CPNE5: variants seen among roughly 807,000 people sequenced by gnomAD.
CPNE5 encodes the protein copine 5.
A neutral mutation model predicts 81.1 loss-of-function variants in CPNE5; 42 were observed. That is an observed-to-expected ratio of 0.52 (90% CI 0.40 to 0.67). The LOEUF (loss-of-function observed/expected upper bound fraction) is 0.67, where lower values mean the gene tolerates loss of function less well. Ranked by LOEUF, CPNE5 falls within the 30% of genes least tolerant of loss-of-function variation. The pLI is 0.00. For synonymous variants in CPNE5, 313 were observed against 321.5 expected (o/e 0.97, Z 0.28); for missense variants, 612 against 815.5 (o/e 0.75, Z 3.04).
chr6:36,759,406 T>C (rs1166536971), intron 12 of CPNE5, among the ~76,000 whole-genome samples: 8 of 150,688 alleles, frequency 5.3e-5, no homozygotes, highest in African/African-American at 2.0e-4. Flanking sequence ...TTCTTGGTGG[T>C]CAGGCGGGGA....
chr6:36,743,206 C>T, intron 20 of CPNE5: 2 of 985,400 alleles, frequency 2.0e-6, no homozygotes, highest in Non-Finnish European at 1.2e-6. Context: ...GCGGAGGGTG[C>T]ATTCTTCCAC....
At chr6:36,803,659 T>C (rs962067846) in intron 3 of CPNE5, among the ~76,000 whole-genome samples, 1 of 152,246 alleles carries the variant, frequency 6.6e-6, no homozygotes, top group Non-Finnish European at 1.5e-5. Context: ...CCTATATGTG[T>C]GTGTTGTTTG....
At position 36,822,952 on chromosome 6, in the gene CPNE5, C is replaced by T. The variant is rs1466413913; in HGVS notation, c.136+106G>A. 1.1e-5 allele frequency: 10 copies of T among 916,942 alleles called. 1 individual carries two copies. Among genetic ancestry groups the T allele is most frequent in the Admixed American group, 8.2e-5 (3 of 36,568 alleles). The allele number at this position is 916,942 out of a possible 1,614,324, so 56.8% of individuals were successfully genotyped here. ...AACAGGCTTGACACACTTTGAACGG[C>T]GCCTGGCACATGGTTAGTGCTCAGT... On this transcript the variant is annotated intron_variant, in intron 2 of 20. Transcript: ENST00000244751.
At chr6:36,745,311 T>G in intron 17 of CPNE5, 77 bp downstream of exon 17, 2 of 1,530,890 alleles carry the variant, frequency 1.3e-6, no homozygotes, top group Non-Finnish European at 1.8e-6. Flanking sequence ...AGAAACCCCC[T>G]CCCACCACCC....
At position 36,802,664 on chromosome 6, in the gene CPNE5, C is replaced by T. The variant is rs75617171; in HGVS notation, c.184-2594G>A. 2.1e-3 allele frequency among the ~76,000 whole-genome samples: 320 copies of T among 152,236 alleles called. 17 individuals are homozygous for T. The East Asian group carries it at 0.049, about 23-fold the overall frequency. On this transcript the variant is annotated intron_variant, in intron 3 of 20. Transcript: ENST00000244751. ...GGGGCTCTGCAGTCCAGGAAAACAC[C>T]AGCACATGGGCCCCTCACACATGTG...
intron 8 of CPNE5, among the ~76,000 whole-genome samples, chr6:36,787,534 TAA>T (rs1018245372): frequency 6.6e-6 from 1 of 152,142 alleles, no homozygotes; most frequent in Non-Finnish European, 1.5e-5. Context: ...AAGAGTGTGA[TAA>T]AATAGTTGTT....
intron 5 of CPNE5, 78 bp downstream of exon 5, chr6:36,798,377 C>G: frequency 6.5e-7 from 1 of 1,545,636 alleles, no homozygotes; most frequent in South Asian, 1.1e-5. Context: ...CATTCCATCA[C>G]AGCAAAGCCC....
chr6:36,798,141 T>C (rs1164424378), intron 6 of CPNE5, 24 bp downstream of exon 6: 3 of 1,606,578 alleles, frequency 1.9e-6, no homozygotes, highest in South Asian at 1.1e-5. Flanking sequence ...GGCCTACCAC[T>C]GGGAAAGCAA....
Position 36,745,166 on chromosome 6 carries a change from G to A in CPNE5, c.1329-16C>T. 1.3e-6 allele frequency: 2 copies of A among 1,600,006 alleles called. No individual in the cohort carries two copies. Among genetic ancestry groups the A allele is most frequent in the Non-Finnish European group, 1.7e-6 (2 of 1,167,790 alleles). On this transcript the variant is annotated splice_polypyrimidine_tract_variant and intron_variant, in intron 17 of 20. Transcript: ENST00000244751. ...CGCTGCATTCCTGGGTGGGGCAGGT[G>A]TGGGCTCAGGTCTGTCTGCGGGACC...
intron 1 of CPNE5, among the ~76,000 whole-genome samples, chr6:36,834,924 C>G (rs1223152096): frequency 6.6e-6 from 1 of 152,122 alleles, no homozygotes; most frequent in African/African-American, 2.4e-5. Context: ...CTGTTCACAC[C>G]CCTTCTGAGA....
chr6:36,799,559 C>T (rs532712029), intron 4 of CPNE5, among the ~76,000 whole-genome samples: 9 of 152,258 alleles, frequency 5.9e-5, no homozygotes, highest in East Asian at 1.9e-4. Flanking sequence ...CCTCTGCAGG[C>T]GGGGAGGCTG....
intron 1 of CPNE5, among the ~76,000 whole-genome samples, chr6:36,829,085 C>T (rs976039594): frequency 3.3e-5 from 5 of 152,188 alleles, no homozygotes; most frequent in Non-Finnish European, 7.3e-5. Flanking sequence ...CCTCTCTTCT[C>T]CCTAAAGCTT....
chr6:36,839,445 G>A, upstream of CPNE5: 1 of 1,352,452 alleles, frequency 7.4e-7, no homozygotes. This position sits in a 1 kb window ranked among gnomAD's most constrained non-coding sequence, Gnocchi z 7.3. Context: ...CGGAGCGACT[G>A]GAGCCCTGGG....
At chr6:36,783,401 G>T (rs961167214) in intron 8 of CPNE5, among the ~76,000 whole-genome samples, 2 of 138,796 alleles carry the variant, frequency 1.4e-5, no homozygotes, top group Non-Finnish European at 3.1e-5. Context: ...AAAAAAAAAG[G>T]TTCTACCTAG....
chr6:36,767,830 G>A (rs1766694694), intron 10 of CPNE5, among the ~76,000 whole-genome samples: 1 of 152,236 alleles, frequency 6.6e-6, no homozygotes, highest in Non-Finnish European at 1.5e-5. Flanking sequence ...TGCAACCAGA[G>A]CCACTGACCT....
intron 9 of CPNE5, among the ~76,000 whole-genome samples, chr6:36,777,336 G>A (rs899999566): frequency 6.6e-6 from 1 of 151,690 alleles, no homozygotes; most frequent in African/African-American, 2.4e-5. Context: ...TGTCGGTCAC[G>A]AGGCTCTCCC....
chr6:36,768,246 T>TTTTTTTTTTTTTTTTTG (rs1766756195), intron 10 of CPNE5, among the ~76,000 whole-genome samples: 1 of 128,468 alleles, frequency 7.8e-6, no homozygotes, highest in Non-Finnish European at 1.7e-5. Context: ...TTTTTTTTTT[T>TTTTTTTTTTTTTTTTTG]TTTTTTGAGA....
intron 8 of CPNE5, 61 bp from the exon 9 acceptor site, chr6:36,779,018 AC>A: frequency 8.5e-7 from 1 of 1,176,276 alleles, no homozygotes. Context: ...CAGCTCCCAG[AC>A]CCCGGCAAGC....
chr6:36,803,780 C>T (rs1238183850), intron 3 of CPNE5, among the ~76,000 whole-genome samples: 1 of 152,134 alleles, frequency 6.6e-6, no homozygotes, highest in East Asian at 1.9e-4. Context: ...CATGATTTTA[C>T]CTTTTTAAAA....
Sources: allele counts gnomAD v4.1 joint callset (sites outside exome capture counted in the v4.1 genomes callset), GRCh38; gene constraint gnomAD v4.1.1; non-coding constraint Gnocchi (gnomAD v3.1); transcripts MANE v1.5; gene names NCBI Gene and HGNC (gene_info 2026-07-23, HGNC 2026-07-21).